Variants in SLCO1C1 observed in about 807,000 individuals in gnomAD.
SLCO1C1 encodes the protein solute carrier organic anion transporter family member 1C1.
In SLCO1C1, 70 loss-of-function variants were observed where a neutral mutation model predicts 76.4. That is an observed-to-expected ratio of 0.92 (90% CI 0.76 to 1.12). The LOEUF (loss-of-function observed/expected upper bound fraction) is 1.12, where lower values mean the gene tolerates loss of function less well. Ranked by LOEUF, SLCO1C1 falls within the 50% of genes most tolerant of loss-of-function variation. SLCO1C1 has a pLI of 0.00. For synonymous variants in SLCO1C1, 306 were observed against 286.1 expected (o/e 1.07, Z -0.70); for missense variants, 912 against 823.8 (o/e 1.11, Z -1.31).
intron 9 of SLCO1C1, among the ~76,000 whole-genome samples, chr12:20,730,796 A>G (rs946156548): frequency 1.3e-5 from 2 of 152,220 alleles, no homozygotes; most frequent in African/African-American, 4.8e-5. Context: ...TATCATCTGT[A>G]CATGTTAGAA....
intron 10 of SLCO1C1, among the ~76,000 whole-genome samples, chr12:20,735,712 A>T (rs1214811869): frequency 1.3e-5 from 2 of 152,296 alleles, no homozygotes; most frequent in East Asian, 3.9e-4. Flanking sequence ...GTTCTACTAG[A>T]TGAAGTATTA....
chr12:20,722,193 T>C, intron 8 of SLCO1C1, 144 bp downstream of exon 8: 1 of 1,140,226 alleles, frequency 8.8e-7, no homozygotes, highest in Non-Finnish European at 1.2e-6. Flanking sequence ...GATGTCAGCT[T>C]TATTACTGAA....
intron 4 of SLCO1C1, among the ~76,000 whole-genome samples, chr12:20,707,717 G>C (rs1340256872): frequency 1.3e-5 from 2 of 152,088 alleles, no homozygotes; most frequent in African/African-American, 4.8e-5. Flanking sequence ...TAAGCCACCT[G>C]GTTTTAACCA....
chr12:20,709,072 G>A (rs894611096), intron 4 of SLCO1C1, among the ~76,000 whole-genome samples: 2 of 152,160 alleles, frequency 1.3e-5, no homozygotes, highest in Non-Finnish European at 1.5e-5. Flanking sequence ...CTTGGAAGCA[G>A]GGAGACTATT....
chr12:20,709,244 G>A (rs1946938278), intron 4 of SLCO1C1, among the ~76,000 whole-genome samples: 1 of 152,068 alleles, frequency 6.6e-6, no homozygotes, highest in Non-Finnish European at 1.5e-5. Flanking sequence ...GTCTCAATAG[G>A]TACAGACCAC....
chr12:20,737,916 C>T (rs1042238879), intron 11 of SLCO1C1, among the ~76,000 whole-genome samples: 2 of 152,098 alleles, frequency 1.3e-5, no homozygotes, highest in Non-Finnish European at 2.9e-5. Context: ...GCTTAAACAA[C>T]AAACATTTAT....
chr12:20,747,910 C>T (rs1949123235), intron 13 of SLCO1C1, among the ~76,000 whole-genome samples: 2 of 152,206 alleles, frequency 1.3e-5, no homozygotes, highest in South Asian at 4.1e-4. Flanking sequence ...CACAGCTCAT[C>T]TTAGGACATC....
chr12:20,740,800 T>TATATATATATAC (rs1948778045), intron 12 of SLCO1C1, among the ~76,000 whole-genome samples: 1 of 124,636 alleles, frequency 8.0e-6, no homozygotes, highest in South Asian at 2.8e-4. Context: ...TATATATATA[T>TATATATATATAC]ATATATATAT....
At chr12:20,709,946 C>G (rs1482977207) in intron 4 of SLCO1C1, among the ~76,000 whole-genome samples, 6 of 146,564 alleles carry the variant, frequency 4.1e-5, no homozygotes, top group Non-Finnish European at 8.9e-5. Context: ...CAGTTAACCT[C>G]ATTAAGTGAT....
intron 9 of SLCO1C1, among the ~76,000 whole-genome samples, chr12:20,730,911 C>G (rs1948233723): frequency 6.6e-6 from 1 of 152,154 alleles, no homozygotes; most frequent in Admixed American, 6.6e-5. Flanking sequence ...GCTGCCGGCA[C>G]TAGGGGCCCA....
At chr12:20,712,943 A>G (rs1444756270) in intron 5 of SLCO1C1, among the ~76,000 whole-genome samples, 1 of 152,228 alleles carries the variant, frequency 6.6e-6, no homozygotes, top group Non-Finnish European at 1.5e-5. Context: ...ATTCAAATCA[A>G]TGGACAAGAA....
intron 2 of SLCO1C1, 165 bp downstream of exon 2, chr12:20,699,870 C>A: frequency 4.5e-6 from 3 of 665,708 alleles, no homozygotes; most frequent in Non-Finnish European, 6.8e-6. Context: ...CAAGCAATCT[C>A]TACCTGACCA....
At chr12:20,743,178 T>C in intron 12 of SLCO1C1, 127 bp from the exon 13 acceptor site, 5 of 799,808 alleles carry the variant, frequency 6.3e-6, no homozygotes, top group Non-Finnish European at 1.0e-5. Context: ...AGCACACCAA[T>C]GGGTTCAACA....
chr12:20,707,561 T>G (rs1946841110), intron 4 of SLCO1C1, among the ~76,000 whole-genome samples: 1 of 152,172 alleles, frequency 6.6e-6, no homozygotes, highest in African/African-American at 2.4e-5. Flanking sequence ...TTCTGCATCT[T>G]AAAACAGGTA....
At chr12:20,717,010 C>T (rs535447595) in intron 6 of SLCO1C1, 122 bp from the exon 7 acceptor site, 13 of 780,338 alleles carry the variant, frequency 1.7e-5, no homozygotes, top group Middle Eastern at 3.1e-4. Flanking sequence ...TAAACACATG[C>T]AAATGAGTTA....
chr12:20,701,572 C>CTTTTT (rs34463708), intron 3 of SLCO1C1, 113 bp downstream of exon 3: 51 of 515,242 alleles, frequency 9.9e-5, no homozygotes, highest in South Asian at 1.5e-4. Context: ...TTCATAAAAT[C>CTTTTT]TTTTTTTTTT....
At chr12:20,740,783 T>TATATATATATATA (rs1406774430) in intron 12 of SLCO1C1, among the ~76,000 whole-genome samples, 1,038 of 53,682 alleles carry the variant, frequency 0.019, 182 homozygotes, top group East Asian at 0.028. Context: ...AGAATTTATT[T>TATATATATATATA]TATTTATATA....
At chr12:20,729,877 T>C (rs1413230037) in intron 9 of SLCO1C1, among the ~76,000 whole-genome samples, 3 of 151,890 alleles carry the variant, frequency 2.0e-5, no homozygotes, top group African/African-American at 7.3e-5. Context: ...GTTGTGGAAG[T>C]TTCAAGAAAA....
At chr12:20,708,529 A>G (rs1946901895) in intron 4 of SLCO1C1, among the ~76,000 whole-genome samples, 1 of 152,112 alleles carries the variant, frequency 6.6e-6, no homozygotes, top group African/African-American at 2.4e-5. Flanking sequence ...CAAGTAGGGT[A>G]GTCAACGTAT....
Sources: gnomAD v4.1 joint callset for allele counts (sites outside exome capture counted in the v4.1 genomes callset) on GRCh38, gnomAD v4.1.1 for gene constraint, MANE v1.5 for transcripts, NCBI Gene and HGNC (gene_info 2026-07-23, HGNC 2026-07-21) for gene names.